The following R3HDM4 variants were observed in gnomAD, a reference collection of about 807,000 sequenced individuals.
R3HDM4 encodes the protein R3H domain containing 4.
R3HDM4 carries 30 observed loss-of-function variants against 31.3 expected under a neutral mutation model. That is an observed-to-expected ratio of 0.96 (90% CI 0.72 to 1.30). R3HDM4 has a LOEUF of 1.30. Among genes scored for constraint, R3HDM4 ranks in the 50% most tolerant of loss-of-function variants. The pLI is 0.00. For synonymous variants in R3HDM4, 196 were observed against 156.6 expected, an observed-to-expected ratio of 1.25 and a Z score of -1.88; for missense variants, 444 against 366.1, an observed-to-expected ratio of 1.21 and a Z score of -1.74.
intron 7 of R3HDM4, among the ~76,000 whole-genome samples, chr19:897,930 C>T (rs918344004): frequency 1.3e-5 from 2 of 152,162 alleles, no homozygotes; most frequent in Admixed American, 1.3e-4. Context: ...AGTGGTCCAG[C>T]TCCCACCGGC....
rs1599366639 is a variant in R3HDM4, at chr19:913,195, G to A, written c.-38C>T. On this transcript the variant is annotated 5_prime_UTR_variant, in exon 1 of 8. Coordinates refer to ENST00000361574, the MANE Select transcript of R3HDM4 (RefSeq NM_138774.4). The surrounding 1 kb of genome is among the most constrained non-coding windows in gnomAD (Gnocchi z 5.0). ...GTCGCCGCCGCCGCCGCCCGGCAGG[G>A]CCTTCACCGGGCCGGGCAGGAAGTG... is the stretch of plus-strand genomic sequence containing the variant. 9.5e-7 allele frequency: 1 copy of A among 1,056,460 alleles called. No homozygotes were observed. 65.4% of individuals were successfully genotyped at this position (1,056,460 alleles called of 1,614,324 possible). A position where few individuals can be genotyped will look rare whatever the true frequency, so the allele number is the denominator to read the frequency against.
At chr19:901,599 G>A in intron 2 of R3HDM4, 53 bp from the exon 3 acceptor site, 1 of 1,575,182 alleles carries the variant, frequency 6.3e-7, no homozygotes, top group Non-Finnish European at 8.6e-7. Flanking sequence ...GGACCCCCAG[G>A]CACCATGGGG....
Position 897,540 on chromosome 19 carries a change from C to G in R3HDM4, c.704G>C (p.Ser235Thr). The change falls in exon 8 of 8, where the codon AGT becomes ACT. Residue 235 changes from serine to threonine, a missense_variant and splice_region_variant. Transcript: ENST00000361574. Reference protein sequence around the residue: ...VCQYMDLISASADLEGKRQMK... With the variant: ...VCQYMDLISATADLEGKRQMK... ...CTGCCGCTTCCCCTCCAGGTCAGCA[C>G]CTGCAGACGGGACCAGCGGGGCAAG... 2 of 1,608,216 alleles carry G rather than the reference C, an allele frequency of 1.2e-6. No homozygotes were observed. The highest frequency in any genetic ancestry group is 1.1e-5 in the South Asian group (1 of 90,196).
intron 1 of R3HDM4, 89 bp from the exon 2 acceptor site, chr19:902,219 TC>T: frequency 1.3e-6 from 2 of 1,482,814 alleles, no homozygotes; most frequent in South Asian, 1.2e-5. Flanking sequence ...CCGCTTGGTT[TC>T]CCCCAGCAAT....
chr19:909,385 G>A (rs1024282210), intron 1 of R3HDM4, among the ~76,000 whole-genome samples: 3 of 152,306 alleles, frequency 2.0e-5, no homozygotes, highest in South Asian at 2.1e-4. Context: ...GCGGCCCCCA[G>A]CAGTCCCCAA....
chr19:905,314 T>C (rs1348562399), intron 1 of R3HDM4, among the ~76,000 whole-genome samples: 1 of 151,626 alleles, frequency 6.6e-6, no homozygotes, highest in South Asian at 2.1e-4. Context: ...CTGACCAACA[T>C]GGAGACACCC....
intron 4 of R3HDM4, among the ~76,000 whole-genome samples, chr19:900,562 C>T (rs1406965841): frequency 6.6e-6 from 1 of 151,194 alleles, no homozygotes; most frequent in Admixed American, 6.6e-5. Context: ...CATCCATACC[C>T]TGGCCTCACC....
At chr19:911,066 A>AAT (rs2036966180) in intron 1 of R3HDM4, among the ~76,000 whole-genome samples, 2 of 152,068 alleles carry the variant, frequency 1.3e-5, no homozygotes, top group Admixed American at 1.3e-4. Context: ...GCTTGCAGTG[A>AAT]GCCGAGATCG....
chr19:899,703 G>T lies in R3HDM4; in HGVS notation c.562-17C>A. 6.4e-7 allele frequency: 1 copy of T among 1,550,700 alleles called. No homozygotes were observed. Among genetic ancestry groups the T allele is most frequent in the East Asian group, 2.3e-5 (1 of 43,668 alleles). ...CAGCGTTTCCTGGGGAGAGCGGCCCGGTGGTCAGGGAACTGCGGGACCTGT... is the reference window on the plus strand; with the variant it reads ...CAGCGTTTCCTGGGGAGAGCGGCCCTGTGGTCAGGGAACTGCGGGACCTGT... On this transcript the variant is annotated splice_polypyrimidine_tract_variant and intron_variant, in intron 5 of 7. Transcript: ENST00000361574. This position sits in a 1 kb window ranked among gnomAD's most constrained non-coding sequence, Gnocchi z 6.8.
chr19:900,849 C>T lies in R3HDM4; in HGVS notation c.455G>A (p.Arg152His), dbSNP rs1194052600. ...RSKARRRGPG[R>H]GEDRRREDPA... Reference sequence around the variant, plus strand: ...CGCACCTCTCCTCCGGTCCTCCCCACGGCCAGGGCCCCTCCTCCGCGCCTT... The same window carrying T: ...CGCACCTCTCCTCCGGTCCTCCCCATGGCCAGGGCCCCTCCTCCGCGCCTT... Residue 152 changes from arginine to histidine, a missense_variant, in exon 4 of 8, where the codon CGT becomes CAT. Arg to His is a conservative substitution (Grantham distance 29). Coordinates refer to ENST00000361574, the MANE Select transcript of R3HDM4 (RefSeq NM_138774.4). 3 of 1,545,564 alleles carry T rather than the reference C, an allele frequency of 1.9e-6. No individual in the cohort carries two copies. The highest frequency in any genetic ancestry group is 2.0e-5 in the Admixed American group (1 of 50,516).
At position 902,066 on chromosome 19, in the gene R3HDM4, G is replaced by T. The variant is rs1167668216; in HGVS notation, c.136C>A (p.Arg46=). ...GCCTGGTTGATGAAGTGCTGTTTCC[G>T]CCTGGAAGCCGAGAGTCTCTTCACC... ...SQVKRLSASR[R]KQHFINQAVR... Residue 46 remains arginine, a synonymous_variant, in exon 2 of 8, where the codon CGG becomes AGG. Coordinates refer to ENST00000361574, the MANE Select transcript of R3HDM4 (RefSeq NM_138774.4). 1 of 1,613,870 alleles carries T rather than the reference G, an allele frequency of 6.2e-7. No individual in the cohort carries two copies. Among genetic ancestry groups the T allele is most frequent in the Non-Finnish European group, 8.5e-7 (1 of 1,179,990 alleles).
In R3HDM4 at chr19:913,014, C is replaced by T. The variant is rs1396783242; in HGVS notation, c.71+73G>A. On this transcript the variant is annotated intron_variant, in intron 1 of 7. Transcript: ENST00000361574. This position sits in a 1 kb window ranked among gnomAD's most constrained non-coding sequence, Gnocchi z 5.0. ...GGAAGGGAAAGGAGGGGAGGGGAGG[C>T]GGGGAGAGGATCTCAGGGGAGGGAG... 2 of 455,852 alleles carry T rather than the reference C, an allele frequency of 4.4e-6. No individual in the cohort carries two copies. Among genetic ancestry groups the T allele is most frequent in the Non-Finnish European group, 5.5e-6 (2 of 364,022 alleles). 28.2% of individuals were successfully genotyped at this position (455,852 alleles called of 1,614,324 possible).
In R3HDM4 at chr19:900,114, G is replaced by A. The variant is rs1271984096; in HGVS notation, c.508C>T (p.Gln170Ter). The change falls in exon 5 of 8, where the codon CAG (glutamine) becomes TAG (stop). Residue 170 changes from glutamine to a stop codon, truncating the protein, a stop_gained. Transcript: ENST00000361574. LOFTEE classifies it high-confidence loss of function. ...DPAYTPRECF[Q>*]RISRRLRAVL... is the part of the protein sequence containing the mutation. Reference sequence around the variant, plus strand: ...GCTCGCAGACGCCGGCTGATGCGCTGGAAGCACTCGCGGGGTGTATAGGCG... The same window carrying A: ...GCTCGCAGACGCCGGCTGATGCGCTAGAAGCACTCGCGGGGTGTATAGGCG... 1 of 1,605,028 alleles carries A rather than the reference G, an allele frequency of 6.2e-7. No homozygotes were observed. Among genetic ancestry groups the A allele is most frequent in the Non-Finnish European group, 8.5e-7 (1 of 1,176,118 alleles).
chr19:898,340 G>C (rs972425319), intron 7 of R3HDM4, among the ~76,000 whole-genome samples: 1 of 148,552 alleles, frequency 6.7e-6, no homozygotes, highest in African/African-American at 2.5e-5. Flanking sequence ...GGGAGGTGGA[G>C]CTTGCAGTGA....
intron 3 of R3HDM4, 147 bp downstream of exon 3, chr19:901,275 G>A (rs943186739): frequency 1.1e-6 from 1 of 910,386 alleles, no homozygotes. Context: ...CCTGGTCTGG[G>A]GACCCCGAAG....
intron 7 of R3HDM4, among the ~76,000 whole-genome samples, 161 bp from the exon 8 acceptor site, chr19:897,701 G>A (rs568137498): frequency 1.2e-4 from 19 of 152,336 alleles, no homozygotes; most frequent in East Asian, 5.8e-4. Flanking sequence ...CCGCAGGTCC[G>A]GGAGCCTGGC....
rs778897534 is a variant in R3HDM4, at chr19:899,247, G to A, written c.703+193C>T. ...GTCTGCGGTCACCCTGCGTGGGGCC[G>A]CATATGCAGGGAGCTTCTGGTGAAT... On this transcript the variant is annotated intron_variant, in intron 7 of 7. Transcript: ENST00000361574. This position sits in a 1 kb window ranked among gnomAD's most constrained non-coding sequence, Gnocchi z 6.8. 7.9e-5 allele frequency among the ~76,000 whole-genome samples: 12 copies of A among 152,064 alleles called. No individual in the cohort carries two copies. Among genetic ancestry groups the A allele is most frequent in the East Asian group, 1.9e-4 (1 of 5,182 alleles).
chr19:904,702 G>C (rs1030197451), intron 1 of R3HDM4, among the ~76,000 whole-genome samples: 3 of 152,046 alleles, frequency 2.0e-5, no homozygotes, highest in Non-Finnish European at 4.4e-5. Context: ...CTTGAGCCCA[G>C]AAGGTGGAGG....
At chr19:902,455 T>G in intron 1 of R3HDM4, 1 of 203,392 alleles carries the variant, frequency 4.9e-6, no homozygotes. Context: ...AAAAAAAGAC[T>G]TATTTTTTTG....
Sources: gnomAD v4.1 joint callset for allele counts (sites outside exome capture counted in the v4.1 genomes callset) on GRCh38, gnomAD v4.1.1 for gene constraint, Gnocchi (gnomAD v3.1) non-coding constraint, MANE v1.5 for transcripts, NCBI Gene and HGNC (gene_info 2026-07-23, HGNC 2026-07-21) for gene names.